Variants in NUDT3 observed in about 807,000 individuals in gnomAD.
NUDT3 encodes the protein diphosphoinositol polyphosphate phosphohydrolase 1.
NUDT3 carries 9 observed loss-of-function variants against 23.6 expected under a neutral mutation model. The observed-to-expected ratio is 0.38, with a 90% CI of 0.23 to 0.66. The LOEUF (loss-of-function observed/expected upper bound fraction) is 0.66, where lower values mean the gene tolerates loss of function less well. Ranked by LOEUF, NUDT3 falls within the 30% of genes least tolerant of loss-of-function variation. The pLI, the probability that NUDT3 is intolerant of heterozygous loss-of-function variation, is 0.52. For synonymous variants in NUDT3, 86 were observed against 82.6 expected, an observed-to-expected ratio of 1.04 and a Z score of -0.22; for missense variants, 172 against 218.5, an observed-to-expected ratio of 0.79 and a Z score of 1.34.
intron 1 of NUDT3, among the ~76,000 whole-genome samples, chr6:34,366,643 G>A (rs949177347): frequency 6.7e-6 from 1 of 150,060 alleles, no homozygotes; most frequent in African/African-American, 2.5e-5. Context: ...CTGCAGCCTC[G>A]ACCTCCTGTG....
intron 2 of NUDT3, among the ~76,000 whole-genome samples, chr6:34,331,809 C>T (rs1764133321): frequency 6.6e-6 from 1 of 152,108 alleles, no homozygotes; most frequent in African/African-American, 2.4e-5. Flanking sequence ...TACAGTTGAT[C>T]CTTGAATAAT....
At position 34,282,606 on chromosome 6, in the gene NUDT3, C is replaced by A. The variant is rs1394846103; in HGVS notation, c.*6147G>T. On this transcript the variant is annotated 3_prime_UTR_variant, in exon 5 of 5. Coordinates refer to ENST00000607016, the MANE Select transcript of NUDT3 (RefSeq NM_006703.4). ...CAATTTAGTAGATAATTATTCTATA[C>A]AAGAATTAATGTTCTCTGAAACAGT... 1 of 152,086 alleles carries A rather than the reference C, an allele frequency of 6.6e-6. No individual in the cohort carries two copies. Among genetic ancestry groups the A allele is most frequent in the African/African-American group, 2.4e-5 (1 of 41,416 alleles). The allele number at this position is 152,086 out of a possible 1,614,324, so 9.4% of individuals were successfully genotyped here.
rs192581365 is a variant in NUDT3 at position 34,307,512 on chromosome 6, C to A, written c.211-11827G>T. ...GATCGCTTGAGCCCAGGAGGTTGAGCCTGCAGTGAGCTATGACTGCACCAC... is the reference window on the plus strand; with the variant it reads ...GATCGCTTGAGCCCAGGAGGTTGAGACTGCAGTGAGCTATGACTGCACCAC... On this transcript the variant is annotated intron_variant, in intron 2 of 4. Coordinates refer to ENST00000607016, the MANE Select transcript of NUDT3 (RefSeq NM_006703.4). Among the ~76,000 whole-genome samples the A allele has an allele frequency of 3.0e-4, 45 of 151,920 alleles. No homozygotes were observed. The East Asian group carries it at 8.2e-3, about 28-fold the overall frequency.
At chr6:34,295,582 T>TTAA in intron 3 of NUDT3, 59 bp downstream of exon 3, 1 of 1,576,556 alleles carries the variant, frequency 6.3e-7, no homozygotes, top group Non-Finnish European at 8.6e-7. Flanking sequence ...TTTTCCTATG[T>TTAA]TAATATCTGT....
chr6:34,281,544 GTCTTCAGA>G lies in NUDT3; in HGVS notation c.*7201_*7208del, dbSNP rs1298171678. On this transcript the variant is annotated 3_prime_UTR_variant, in exon 5 of 5. Transcript: ENST00000607016. ...TCTTTGATTATCAACCAGTTTGACA[GTCTTCAGA>G]TCACAAAACAATAGAACAGACCTGA... 3 of 152,020 alleles carry G rather than the reference GTCTTCAGA, an allele frequency of 2.0e-5. No individual in the cohort carries two copies. The highest frequency in any genetic ancestry group is 1.3e-4 in the Admixed American group (2 of 15,224). The allele number at this position is 152,020 out of a possible 1,614,324, so 9.4% of individuals were successfully genotyped here.
At chr6:34,387,472 G>A (rs534508785) in intron 1 of NUDT3, among the ~76,000 whole-genome samples, 5 of 151,924 alleles carry the variant, frequency 3.3e-5, no homozygotes, top group East Asian at 3.9e-4. Flanking sequence ...GTAGCCAGAG[G>A]AACAAAAAGT....
intron 1 of NUDT3, among the ~76,000 whole-genome samples, chr6:34,364,774 C>T (rs1764701095): frequency 6.6e-6 from 1 of 152,190 alleles, no homozygotes; most frequent in African/African-American, 2.4e-5. Flanking sequence ...TGGCTCACAC[C>T]TGTAATCCCA....
At chr6:34,360,891 A>G (rs1318036894) in intron 1 of NUDT3, among the ~76,000 whole-genome samples, 1 of 152,248 alleles carries the variant, frequency 6.6e-6, no homozygotes, top group Non-Finnish European at 1.5e-5. Flanking sequence ...CAATTAAAAA[A>G]TGAGCAAAAG....
intron 2 of NUDT3, among the ~76,000 whole-genome samples, chr6:34,297,717 G>A (rs142193906): frequency 0.054 from 3,260 of 59,946 alleles, 73 homozygotes; most frequent in Non-Finnish European, 0.075. Flanking sequence ...CCCGGCTAAT[G>A]TAAAAAAAAA....
At chr6:34,372,501 C>CT (rs956377158) in intron 1 of NUDT3, among the ~76,000 whole-genome samples, 5 of 151,362 alleles carry the variant, frequency 3.3e-5, no homozygotes, top group South Asian at 2.1e-4. Flanking sequence ...CCAAGTGTCA[C>CT]TTTTTTTTTA....
rs1763344190 is a variant in NUDT3, at chr6:34,287,056, GGT to G, written c.*1695_*1696del. 6.6e-6 allele frequency: 1 copy of G among 152,142 alleles called. No individual in the cohort carries two copies. Among genetic ancestry groups the G allele is most frequent in the African/African-American group, 2.4e-5 (1 of 41,414 alleles). The allele number at this position is 152,142 out of a possible 1,614,324, so 9.4% of individuals were successfully genotyped here. On this transcript the variant is annotated 3_prime_UTR_variant, in exon 5 of 5. Coordinates refer to ENST00000607016, the MANE Select transcript of NUDT3 (RefSeq NM_006703.4). ...AGCCTCCCAAAGTGCTGGGATTACA[GGT>G]GTGAGCCACCGTGCCCAGTGAGTAG...
At chr6:34,347,494 G>A (rs898974051) in intron 1 of NUDT3, among the ~76,000 whole-genome samples, 4 of 152,208 alleles carry the variant, frequency 2.6e-5, no homozygotes, top group African/African-American at 9.7e-5. Context: ...CTGCAGAGCA[G>A]GCAGAAATCA....
intron 1 of NUDT3, among the ~76,000 whole-genome samples, chr6:34,347,454 TAG>T: frequency 6.6e-6 from 1 of 152,236 alleles, no homozygotes; most frequent in African/African-American, 2.4e-5. Context: ...CATCCATAGA[TAG>T]ACTCTTGGAT....
chr6:34,340,270 C>T (rs1029677574), intron 2 of NUDT3, among the ~76,000 whole-genome samples: 49 of 152,060 alleles, frequency 3.2e-4, no homozygotes, highest in African/African-American at 9.2e-4. Context: ...TCTTATTATG[C>T]GATATAATAA....
intron 2 of NUDT3, among the ~76,000 whole-genome samples, chr6:34,313,302 C>G (rs1405601077): frequency 6.6e-6 from 1 of 152,000 alleles, no homozygotes; most frequent in African/African-American, 2.4e-5. Context: ...CTAGGAGAAG[C>G]AAAAGTATGA....
At chr6:34,347,012 T>C (rs1396498435) in intron 1 of NUDT3, among the ~76,000 whole-genome samples, 1 of 152,176 alleles carries the variant, frequency 6.6e-6, no homozygotes, top group African/African-American at 2.4e-5. Flanking sequence ...CAAGCAATCC[T>C]CCTGCCTTGG....
rs1763278774 is a variant in NUDT3, at chr6:34,281,475, T to C, written c.*7278A>G. Reference sequence around the variant, plus strand: ...AAGCACATGGAAAACTGGTAAGCTATATCTTTCTAACTGAAATTTTACTTA... The same window carrying C: ...AAGCACATGGAAAACTGGTAAGCTACATCTTTCTAACTGAAATTTTACTTA... On this transcript the variant is annotated 3_prime_UTR_variant, in exon 5 of 5. Transcript: ENST00000607016. 2 of 149,946 alleles carry C rather than the reference T, an allele frequency of 1.3e-5. No homozygotes were observed. Among genetic ancestry groups the C allele is most frequent in the Non-Finnish European group, 1.5e-5 (1 of 67,380 alleles). 9.3% of individuals were successfully genotyped at this position (149,946 alleles called of 1,614,324 possible).
At position 34,286,776 on chromosome 6, in the gene NUDT3, A is replaced by C. The variant is rs1368187779; in HGVS notation, c.*1977T>G. 2 of 146,390 alleles carry C rather than the reference A, an allele frequency of 1.4e-5. No homozygotes were observed. Among genetic ancestry groups the C allele is most frequent in the Non-Finnish European group, 3.0e-5 (2 of 65,754 alleles). The allele number at this position is 146,390 out of a possible 1,614,324, so 9.1% of individuals were successfully genotyped here. A position where few individuals can be genotyped will look rare whatever the true frequency, so the allele number is the denominator to read the frequency against. ...ATGTAAACTAAGAGTATATAGCAAA[A>C]AAAAAAAAAAAAATTTTTTTTTTTT... On this transcript the variant is annotated 3_prime_UTR_variant, in exon 5 of 5. Transcript: ENST00000607016.
chr6:34,355,502 A>G (rs982200951), intron 1 of NUDT3, among the ~76,000 whole-genome samples: 1 of 152,022 alleles, frequency 6.6e-6, no homozygotes, highest in Non-Finnish European at 1.5e-5. Flanking sequence ...CTTGTAATGT[A>G]CCATCTTGGT....
Sources: gnomAD v4.1 joint callset for allele counts (sites outside exome capture counted in the v4.1 genomes callset) on GRCh38, gnomAD v4.1.1 for gene constraint, MANE v1.5 for transcripts, NCBI Gene and HGNC (gene_info 2026-07-23, HGNC 2026-07-21) for gene names.